Variants in MLLT3 observed in about 807,000 individuals in gnomAD.
The protein encoded by MLLT3 is MLLT3 super elongation complex subunit.
MLLT3 carries 4 observed loss-of-function variants against 53.2 expected under a neutral mutation model. That is an observed-to-expected ratio of 0.08 (90% CI 0.04 to 0.17). MLLT3 has a LOEUF of 0.17. Among genes scored for constraint, MLLT3 ranks in the 10% least tolerant of loss-of-function variants. MLLT3 has a pLI of 1.00. For missense variants in MLLT3, 569 were observed against 684.0 expected (o/e 0.83, Z 1.87); for synonymous variants, 283 against 230.6 (o/e 1.23, Z -2.06).
intron 4 of MLLT3, among the ~76,000 whole-genome samples, chr9:20,445,785 T>C (rs1823679109): frequency 6.6e-6 from 1 of 152,302 alleles, no homozygotes; most frequent in Non-Finnish European, 1.5e-5. Context: ...TATATACATC[T>C]ATGTCAACAC....
In MLLT3 at chr9:20,543,767, G is replaced by A. The variant is rs149838380; in HGVS notation, c.193+76887C>T. ...GGAGGATAAAAGGAAGGAAAAGGAG[G>A]AGGAGGAGGAAAAAAACTGAAAACA... On this transcript the variant is annotated intron_variant, in intron 2 of 10. Coordinates refer to ENST00000380338, the MANE Select transcript of MLLT3 (RefSeq NM_004529.4). Among the ~76,000 whole-genome samples, 9 of 151,990 alleles carry A rather than the reference G, an allele frequency of 5.9e-5. No homozygotes were observed. In the East Asian group the frequency reaches 1.7e-3, roughly 29 times the overall value.
chr9:20,370,255 AC>A (rs1267524815), intron 5 of MLLT3, among the ~76,000 whole-genome samples: 2 of 152,146 alleles, frequency 1.3e-5, no homozygotes, highest in Non-Finnish European at 2.9e-5. Flanking sequence ...TTATTATTAT[AC>A]CTGTTATGGT....
intron 2 of MLLT3, among the ~76,000 whole-genome samples, chr9:20,560,379 T>A (rs949889584): frequency 2.0e-5 from 3 of 152,134 alleles, no homozygotes; most frequent in Non-Finnish European, 2.9e-5. Context: ...ACATATTATA[T>A]CTTACATACT....
intron 2 of MLLT3, among the ~76,000 whole-genome samples, chr9:20,589,292 G>A (rs1279353511): frequency 1.3e-5 from 2 of 152,030 alleles, no homozygotes; most frequent in African/African-American, 2.4e-5. Flanking sequence ...TAGGGACATG[G>A]AGGAAATTGG....
rs545805533 is a variant in MLLT3, at chr9:20,620,206, T to C, written c.193+448A>G. On this transcript the variant is annotated intron_variant, in intron 2 of 10. Transcript: ENST00000380338. The surrounding 1 kb of genome is among the most constrained non-coding windows in gnomAD (Gnocchi z 6.1). The stretch of plus-strand genomic sequence containing the variant: ...AAGACCGAACAATAACTACATCCAA[T>C]ACATTCTTTGCTAATAACACAGGTA... Among the ~76,000 whole-genome samples, 23 of 150,808 alleles carry C rather than the reference T, an allele frequency of 1.5e-4. No individual in the cohort carries two copies. Among genetic ancestry groups the C allele is most frequent in the Non-Finnish European group, 2.9e-4 (20 of 67,840 alleles).
intron 2 of MLLT3, among the ~76,000 whole-genome samples, chr9:20,496,798 T>C (rs1157340674): frequency 6.6e-6 from 1 of 152,160 alleles, no homozygotes; most frequent in Non-Finnish European, 1.5e-5. Flanking sequence ...TTTGCTCTTC[T>C]CAAATCCCTG....
intron 5 of MLLT3, among the ~76,000 whole-genome samples, chr9:20,378,079 T>G (rs1032985655): frequency 6.6e-6 from 1 of 152,040 alleles, no homozygotes; most frequent in African/African-American, 2.4e-5. Context: ...TACATAGTAG[T>G]AAAAGAAAAT....
intron 6 of MLLT3, among the ~76,000 whole-genome samples, chr9:20,364,013 A>G (rs1039655347): frequency 6.6e-6 from 1 of 152,200 alleles, no homozygotes; most frequent in Admixed American, 6.5e-5. Context: ...TTTGTGTGGT[A>G]CTTTTTGATC....
intron 2 of MLLT3, among the ~76,000 whole-genome samples, chr9:20,511,951 G>C (rs1307834520): frequency 6.6e-6 from 1 of 152,052 alleles, no homozygotes; most frequent in East Asian, 1.9e-4. Context: ...TACCAGTACA[G>C]AGTTCTAAAA....
intron 5 of MLLT3, among the ~76,000 whole-genome samples, chr9:20,410,180 G>C (rs1437975703): frequency 6.6e-6 from 1 of 152,030 alleles, no homozygotes; most frequent in African/African-American, 2.4e-5. Context: ...GTGGCTTAGA[G>C]TACCAAATAT....
intron 2 of MLLT3, among the ~76,000 whole-genome samples, chr9:20,581,013 C>T (rs1272138779): frequency 6.6e-6 from 1 of 152,214 alleles, no homozygotes; most frequent in African/African-American, 2.4e-5. Flanking sequence ...AAGGATATTG[C>T]CAAATTCCAA....
Position 20,574,192 on chromosome 9 carries a change from T to C in MLLT3, c.193+46462A>G, listed in dbSNP as rs551430187. ...CCTAGGTGATAATGCCCGGACTAACTGCAAATCACAATTAAGAGACCCACT... is the reference window on the plus strand; with the variant it reads ...CCTAGGTGATAATGCCCGGACTAACCGCAAATCACAATTAAGAGACCCACT... On this transcript the variant is annotated intron_variant, in intron 2 of 10. Transcript: ENST00000380338. 2.0e-5 allele frequency among the ~76,000 whole-genome samples: 3 copies of C among 152,266 alleles called. No individual in the cohort carries two copies. The East Asian group carries it at 5.8e-4, about 29-fold the overall frequency.
chr9:20,376,074 A>C (rs1821757434), intron 5 of MLLT3, among the ~76,000 whole-genome samples: 1 of 152,176 alleles, frequency 6.6e-6, no homozygotes, highest in Non-Finnish European at 1.5e-5. Context: ...TCTTCAATAT[A>C]AATCCCATAA....
intron 2 of MLLT3, among the ~76,000 whole-genome samples, chr9:20,470,219 A>G (rs546828877): frequency 2.0e-5 from 3 of 152,130 alleles, no homozygotes; most frequent in Admixed American, 2.0e-4. Flanking sequence ...ACTTGGCTCT[A>G]GGAAAATGTG....
At chr9:20,458,264 C>T (rs969037631) in intron 2 of MLLT3, among the ~76,000 whole-genome samples, 7 of 152,210 alleles carry the variant, frequency 4.6e-5, no homozygotes, top group African/African-American at 1.4e-4. Context: ...TTTGAAGGAT[C>T]TTGTCTGCTA....
intron 2 of MLLT3, among the ~76,000 whole-genome samples, chr9:20,592,221 C>A (rs1294873146): frequency 6.6e-6 from 1 of 152,200 alleles, no homozygotes; most frequent in Non-Finnish European, 1.5e-5. Context: ...CCTACCCCAA[C>A]TTACATGTGG....
intron 5 of MLLT3, among the ~76,000 whole-genome samples, chr9:20,404,857 C>G (rs1160454318): frequency 6.6e-6 from 1 of 151,886 alleles, no homozygotes; most frequent in Non-Finnish European, 1.5e-5. Context: ...CTTCCTGGAC[C>G]ACTCCTCCTG....
At chr9:20,417,653 T>A (rs1822904107) in intron 4 of MLLT3, among the ~76,000 whole-genome samples, 1 of 152,116 alleles carries the variant, frequency 6.6e-6, no homozygotes, top group African/African-American at 2.4e-5. Context: ...TAAACATAAA[T>A]ATACATATAT....
intron 2 of MLLT3, among the ~76,000 whole-genome samples, chr9:20,511,893 A>G (rs1403393869): frequency 6.6e-6 from 1 of 152,148 alleles, no homozygotes; most frequent in Non-Finnish European, 1.5e-5. Flanking sequence ...TTAATAATCT[A>G]TCACAGCACT....
Sources: gnomAD v4.1 joint callset for allele counts (sites outside exome capture counted in the v4.1 genomes callset) on GRCh38, gnomAD v4.1.1 for gene constraint, Gnocchi (gnomAD v3.1) non-coding constraint, MANE v1.5 for transcripts, NCBI Gene and HGNC (gene_info 2026-07-23, HGNC 2026-07-21) for gene names.